The following SPTAN1 variants were observed in gnomAD, a reference collection of about 807,000 sequenced individuals.
SPTAN1 encodes spectrin alpha, non-erythrocytic 1, also known as spectrin alpha chain, non-erythrocytic 1.
Under a neutral mutation model 331.3 loss-of-function variants are expected in SPTAN1, and 61 were observed. The observed-to-expected ratio is 0.18, with a 90% CI of 0.15 to 0.23. SPTAN1 has a LOEUF of 0.23. SPTAN1 is among the 10% of genes least tolerant of loss of function. SPTAN1 has a pLI of 1.00. For missense variants in SPTAN1, 2,043 were observed against 3,147.9 expected (o/e 0.65, Z 8.40); for synonymous variants, 1,153 against 1,173.9 (o/e 0.98, Z 0.36).
Position 128,629,380 on chromosome 9 carries a change from G to A in SPTAN1, c.6708-941G>A, listed in dbSNP as rs1208116895. Among the ~76,000 whole-genome samples the A allele has an allele frequency of 2.6e-5, 4 of 151,872 alleles. No homozygotes were observed. The highest frequency in any genetic ancestry group is 7.3e-5 in the African/African-American group (3 of 41,346). On this transcript the variant is annotated intron_variant, in intron 51 of 56. Transcript: ENST00000372739. The surrounding 1 kb of genome is among the most constrained non-coding windows in gnomAD (Gnocchi z 4.9). ...GGCATTTTCCCCGGGGGGACATGGC[G>A]TGACTGTGAGTCTGACCTGCTGGGG...
At chr9:128,618,472 C>T (rs1456278213) in intron 43 of SPTAN1, among the ~76,000 whole-genome samples, 2 of 151,638 alleles carry the variant, frequency 1.3e-5, no homozygotes, top group Non-Finnish European at 1.5e-5. Context: ...TGAGGGCTCA[C>T]CTTTTTTGTG....
At chr9:128,601,116 T>C (rs898398844) in intron 27 of SPTAN1, among the ~76,000 whole-genome samples, 1 of 150,562 alleles carries the variant, frequency 6.6e-6, no homozygotes, top group African/African-American at 2.4e-5. Context: ...CCCTAGTAGC[T>C]GGGGTTACAG....
At chr9:128,611,957 CTT>C in intron 38 of SPTAN1, 112 bp downstream of exon 38, 12 of 1,602,868 alleles carry the variant, frequency 7.5e-6, no homozygotes, top group Non-Finnish European at 1.0e-5. Context: ...TTATAGAAGA[CTT>C]TAGGCTGAAT....
At chr9:128,630,466 C>T in intron 52 of SPTAN1, 91 bp downstream of exon 52, 2 of 1,270,136 alleles carry the variant, frequency 1.6e-6, no homozygotes, top group Non-Finnish European at 2.3e-6. Flanking sequence ...AAGTCAGGAA[C>T]CAGATGTGCT....
chr9:128,630,427 C>G (rs547822778), intron 52 of SPTAN1, 52 bp downstream of exon 52: 2 of 1,576,118 alleles, frequency 1.3e-6, no homozygotes, highest in African/African-American at 1.3e-5. Flanking sequence ...CCAGCCACCC[C>G]CCAGGGTACC....
chr9:128,605,763 G>A lies in SPTAN1; in HGVS notation c.4046+286G>A, dbSNP rs138730117. ...CCCCAGCACTTTGGTAGGCCAAGGC[G>A]GGCAGATCACCTGAGGTCAAGAGTT... On this transcript the variant is annotated intron_variant, in intron 31 of 56. Transcript: ENST00000372739. Among the ~76,000 whole-genome samples the A allele has an allele frequency of 2.9e-3, 441 of 152,128 alleles. 10 individuals carry two copies. In the East Asian group the frequency reaches 0.041, roughly 14 times the overall value.
chr9:128,581,635 G>A, intron 11 of SPTAN1, 147 bp from the exon 12 acceptor site: 1 of 711,534 alleles, frequency 1.4e-6, no homozygotes. Context: ...AAGGACTTTA[G>A]ACTTCCTAGA....
chr9:128,580,789 T>C, intron 10 of SPTAN1, 133 bp from the exon 11 acceptor site: 1 of 1,233,068 alleles, frequency 8.1e-7, no homozygotes, highest in East Asian at 2.4e-5. Context: ...ATGTTGTTTT[T>C]CCCCTTTTGC....
intron 5 of SPTAN1, among the ~76,000 whole-genome samples, chr9:128,576,404 C>T (rs1365070811): frequency 4.6e-5 from 7 of 152,114 alleles, no homozygotes; most frequent in African/African-American, 1.7e-4. Flanking sequence ...AGTCTAAAGC[C>T]AGGGACAAAC....
intron 26 of SPTAN1, chr9:128,599,811 G>A (rs1356637713): frequency 1.9e-6 from 1 of 522,370 alleles, no homozygotes; most frequent in East Asian, 3.2e-5. Flanking sequence ...AAAGTTGGTG[G>A]TTTTCTTATT....
At position 128,604,394 on chromosome 9, in the gene SPTAN1, C is replaced by T. The variant is rs775991212; in HGVS notation, c.3696C>T (p.Ala1232=). 8.7e-6 allele frequency: 14 copies of T among 1,613,534 alleles called. No individual in the cohort carries two copies. The South Asian group carries it at 1.4e-4, about 16-fold the overall frequency. The change falls in exon 29 of 57, where the codon GCC becomes GCT. Residue 1232 remains alanine, a synonymous_variant. Coordinates refer to ENST00000372739, the MANE Select transcript of SPTAN1 (RefSeq NM_001130438.3). ...AACGGAGCCAGCTCTTGGGCAGCGC[C>T]CATGAAGTACAGAGGTTCCACAGGT... is the stretch of plus-strand genomic sequence containing the variant. ...AEERSQLLGS[A]HEVQRFHRDA... is the part of the protein sequence containing the mutation.
At chr9:128,605,244 C>G (rs377029946) in intron 30 of SPTAN1, 52 bp from the exon 31 acceptor site, 11 of 1,614,002 alleles carry the variant, frequency 6.8e-6, no homozygotes, top group Non-Finnish European at 8.5e-6. Flanking sequence ...GTCTTCTGTT[C>G]TGCAGAGCAT....
intron 44 of SPTAN1, 86 bp downstream of exon 44, chr9:128,619,089 C>T: frequency 6.3e-7 from 1 of 1,589,018 alleles, no homozygotes; most frequent in African/African-American, 1.3e-5. Context: ...TGTTAGAGGG[C>T]CCTGCTCTTA....
chr9:128,598,910 G>A lies in SPTAN1; in HGVS notation c.3520-53G>A, dbSNP rs1589272351. On this transcript the variant is annotated intron_variant, in intron 25 of 56. Transcript: ENST00000372739. ...AGGTTTGGCCATAATAAGTATTCTTGAGAGATGTGTATTTCTTCTAATAAT... is the reference window on the plus strand; with the variant it reads ...AGGTTTGGCCATAATAAGTATTCTTAAGAGATGTGTATTTCTTCTAATAAT... The A allele has an allele frequency of 3.9e-6, 6 of 1,533,774 alleles. No individual in the cohort carries two copies. In the East Asian group the frequency reaches 1.3e-4, roughly 35 times the overall value.
intron 28 of SPTAN1, 102 bp downstream of exon 28, chr9:128,603,692 G>A: frequency 1.4e-6 from 2 of 1,384,150 alleles, no homozygotes; most frequent in Non-Finnish European, 2.1e-6. Context: ...CGGGTGACCT[G>A]TGACATATCT....
intron 25 of SPTAN1, 151 bp downstream of exon 25, chr9:128,598,655 T>C: frequency 1.3e-6 from 1 of 752,568 alleles, no homozygotes; most frequent in Middle Eastern, 3.0e-4. Context: ...AAAACCATTT[T>C]GATTAACTTC....
In SPTAN1 at chr9:128,577,610, G is replaced by C. The variant is rs1851453231; in HGVS notation, c.1085+104G>C. The C allele has an allele frequency of 1.1e-5, 16 of 1,476,668 alleles. No homozygotes were observed. Among genetic ancestry groups the C allele is most frequent in the South Asian group, 8.0e-5 (7 of 87,440 alleles). 91.5% of individuals were successfully genotyped at this position (1,476,668 alleles called of 1,614,324 possible). ...GTTCTGTGTTCTGTGAAAGTGTCAG[G>C]TATCACCTACAAATGCAAATCACTT... On this transcript the variant is annotated intron_variant, in intron 8 of 56. Coordinates refer to ENST00000372739, the MANE Select transcript of SPTAN1 (RefSeq NM_001130438.3). The surrounding 1 kb of genome is among the most constrained non-coding windows in gnomAD (Gnocchi z 4.2).
intron 5 of SPTAN1, among the ~76,000 whole-genome samples, chr9:128,575,724 T>C (rs1229910058): frequency 1.3e-5 from 2 of 152,162 alleles, no homozygotes; most frequent in African/African-American, 4.8e-5. Context: ...TTGCCTTCCT[T>C]TTTTATTTGA....
At position 128,609,691 on chromosome 9, in the gene SPTAN1, T is replaced by A. The variant is rs559227271; in HGVS notation, c.4773+26T>A. On this transcript the variant is annotated intron_variant, in intron 37 of 56. Transcript: ENST00000372739. ...GTAAGTTTTTAATTTTTTTAAGAGT[T>A]GTAGTTAAATGAGCTCCAGTATTTG... The A allele has an allele frequency of 1.4e-4, 206 of 1,456,766 alleles. 8 individuals carry two copies. The Middle Eastern group carries it at 0.013, about 92-fold the overall frequency. The allele number at this position is 1,456,766 out of a possible 1,614,324, so 90.2% of individuals were successfully genotyped here.
Sources: allele counts gnomAD v4.1 joint callset (sites outside exome capture counted in the v4.1 genomes callset), GRCh38; gene constraint gnomAD v4.1.1; non-coding constraint Gnocchi (gnomAD v3.1); transcripts MANE v1.5; gene names NCBI Gene and HGNC (gene_info 2026-07-23, HGNC 2026-07-21).